The following OR2L13 variants were observed in gnomAD, a reference collection of about 807,000 sequenced individuals.
OR2L13 encodes olfactory receptor 2L13.
In OR2L13, 14 loss-of-function variants were observed where a neutral mutation model predicts 15.3. That is an observed-to-expected ratio of 0.91 (90% CI 0.60 to 1.43). The LOEUF (loss-of-function observed/expected upper bound fraction) is 1.43, where lower values mean the gene tolerates loss of function less well. Ranked by LOEUF, OR2L13 falls within the 40% of genes most tolerant of loss-of-function variation. The pLI, the probability that OR2L13 is intolerant of heterozygous loss-of-function variation, is 0.00. For synonymous variants in OR2L13, 152 were observed against 142.9 expected (o/e 1.06, Z -0.45); for missense variants, 367 against 387.9 (o/e 0.95, Z 0.45).
the OR2L13 span, among the ~76,000 whole-genome samples, chr1:248,015,632 C>G: frequency 6.6e-6 from 1 of 152,030 alleles, no homozygotes; most frequent in East Asian, 1.9e-4. Context: ...TTCAGTTATC[C>G]CTTCAGAAGA....
chr1:247,992,248 A>G, the OR2L13 span, among the ~76,000 whole-genome samples: 2 of 130,670 alleles, frequency 1.5e-5, 1 homozygote, highest in Admixed American at 1.4e-4. Context: ...AGCTTACTCT[A>G]CTGTAAGAAT....
the OR2L13 span, chr1:248,061,438 C>T: frequency 6.2e-7 from 1 of 1,613,934 alleles, no homozygotes; most frequent in African/African-American, 1.3e-5. Flanking sequence ...CTACTATGCA[C>T]CTTTTGTCTA....
At chr1:247,993,808 A>AGG in the OR2L13 span, among the ~76,000 whole-genome samples, 1 of 130,360 alleles carries the variant, frequency 7.7e-6, no homozygotes, top group Non-Finnish European at 1.5e-5. Flanking sequence ...AGAGAGAGAG[A>AGG]GAGAAAGAAA....
At chr1:248,084,159 G>A in the OR2L13 span, 3 of 1,516,034 alleles carry the variant, frequency 2.0e-6, no homozygotes, top group African/African-American at 2.9e-5. Flanking sequence ...CAGGAGCCAG[G>A]ACGACATGGT....
the OR2L13 span, chr1:247,949,227 G>A: frequency 1.2e-6 from 2 of 1,614,196 alleles, no homozygotes; most frequent in Non-Finnish European, 1.7e-6. Flanking sequence ...TCGTTACATT[G>A]CTATTTGCTT....
At chr1:248,015,983 C>T in the OR2L13 span, among the ~76,000 whole-genome samples, 1 of 152,166 alleles carries the variant, frequency 6.6e-6, no homozygotes. Context: ...TGGTTCCCAA[C>T]TCTATCACTA....
At chr1:248,042,607 A>G in the OR2L13 span, among the ~76,000 whole-genome samples, 1 of 152,282 alleles carries the variant, frequency 6.6e-6, no homozygotes, top group African/African-American at 2.4e-5. Context: ...CTTACCAAGC[A>G]CTTACTTCAC....
At chr1:248,070,810 C>G in the OR2L13 span, among the ~76,000 whole-genome samples, 1 of 152,086 alleles carries the variant, frequency 6.6e-6, no homozygotes, top group Non-Finnish European at 1.5e-5. Context: ...ACTGATCCCA[C>G]AGAAATACAA....
chr1:248,076,749 T>A, the OR2L13 span, among the ~76,000 whole-genome samples: 2 of 152,332 alleles, frequency 1.3e-5, no homozygotes, highest in South Asian at 4.1e-4. Context: ...TGGGCTGAGA[T>A]GATGGGGTTT....
chr1:248,083,580 C>T, the OR2L13 span: 1 of 1,131,300 alleles, frequency 8.8e-7, no homozygotes, highest in Non-Finnish European at 1.3e-6. Context: ...GAGAGAATTA[C>T]AATGTGTTAA....
the OR2L13 span, among the ~76,000 whole-genome samples, chr1:248,058,371 T>C: frequency 4.6e-5 from 7 of 152,092 alleles, no homozygotes; most frequent in African/African-American, 1.7e-4. Flanking sequence ...TAGTAACTGC[T>C]CCCTCCTCCG....
chr1:247,944,250 C>A, the OR2L13 span, among the ~76,000 whole-genome samples: 1 of 151,082 alleles, frequency 6.6e-6, no homozygotes. Flanking sequence ...ATGGAGATTC[C>A]ATTGAATCTT....
the OR2L13 span, among the ~76,000 whole-genome samples, chr1:248,048,532 C>G: frequency 1.3e-5 from 2 of 152,080 alleles, no homozygotes; most frequent in East Asian, 1.9e-4. Flanking sequence ...GATTGACATT[C>G]TAGACAAGTG....
chr1:248,095,199 G>A (rs1402785709), upstream of OR2L13: 7 of 152,198 alleles, frequency 4.6e-5, no homozygotes, highest in Non-Finnish European at 8.8e-5. Flanking sequence ...TCTTCCAATG[G>A]TGGAACCTGA....
chr1:247,992,382 A>G, the OR2L13 span, among the ~76,000 whole-genome samples: 2 of 152,154 alleles, frequency 1.3e-5, no homozygotes, highest in African/African-American at 4.8e-5. Flanking sequence ...TTATATGCAG[A>G]TATGTTTTAT....
At chr1:248,051,009 C>T in the OR2L13 span, among the ~76,000 whole-genome samples, 1 of 152,250 alleles carries the variant, frequency 6.6e-6, no homozygotes, top group East Asian at 1.9e-4. Flanking sequence ...TGCAAATATA[C>T]TTAAGAGGAA....
At chr1:248,039,892 T>C in the OR2L13 span, 5 of 152,248 alleles carry the variant, frequency 3.3e-5, no homozygotes, top group Admixed American at 6.5e-5. Context: ...TAAATAATTA[T>C]GTTTGTGGAG....
the OR2L13 span, among the ~76,000 whole-genome samples, chr1:247,951,814 G>T: frequency 1.4e-4 from 21 of 152,294 alleles, no homozygotes; most frequent in East Asian, 4.1e-3. Context: ...ACTTGCTGCT[G>T]CCAGGGCAAG....
At chr1:248,080,785 T>C in the OR2L13 span, among the ~76,000 whole-genome samples, 1 of 152,152 alleles carries the variant, frequency 6.6e-6, no homozygotes, top group Admixed American at 6.5e-5. Context: ...TTTGTGTATA[T>C]ACCCAGGAAT....
Sources: gnomAD v4.1 joint callset for allele counts (sites outside exome capture counted in the v4.1 genomes callset) on GRCh38, gnomAD v4.1.1 for gene constraint, MANE v1.5 for transcripts, NCBI Gene and HGNC (gene_info 2026-07-23, HGNC 2026-07-21) for gene names.